The following CHST9 variants were observed in gnomAD, a reference collection of about 807,000 sequenced individuals.
CHST9 encodes the protein carbohydrate sulfotransferase 9, also known as GalNAc-4-sulfotransferase 2.
A neutral mutation model predicts 44.4 loss-of-function variants in CHST9; 41 were observed. That is an observed-to-expected ratio of 0.92 (90% CI 0.72 to 1.20). The LOEUF (loss-of-function observed/expected upper bound fraction) is 1.20. Among genes scored for constraint, CHST9 ranks in the 50% most tolerant of loss-of-function variants. CHST9 has a pLI of 0.00. For missense variants in CHST9, 504 were observed against 516.5 expected, an observed-to-expected ratio of 0.98 and a Z score of 0.23; for synonymous variants, 171 against 178.4, an observed-to-expected ratio of 0.96 and a Z score of 0.33.
intron 5 of CHST9, among the ~76,000 whole-genome samples, chr18:26,939,748 G>A (rs1305528534): frequency 1.3e-5 from 2 of 152,134 alleles, no homozygotes; most frequent in Non-Finnish European, 2.9e-5. Context: ...GAAACAGGAC[G>A]GACCCTGGAC....
In CHST9 at chr18:27,171,479, T is replaced by C. The variant is rs148116191; in HGVS notation, c.-97+13657A>G. ...TATGAAAATACGAAACATAATATAA[T>C]AAAAATGTAACCAAAATCTAAAATG... On this transcript the variant is annotated intron_variant, in intron 1 of 5. Coordinates refer to ENST00000618847, the MANE Select transcript of CHST9 (RefSeq NM_031422.6). 2.6e-3 allele frequency among the ~76,000 whole-genome samples: 402 copies of C among 152,194 alleles called. 1 individual carries two copies. The highest frequency in any genetic ancestry group is 6.8e-3 in the Middle Eastern group (2 of 294).
intron 4 of CHST9, among the ~76,000 whole-genome samples, chr18:26,965,100 T>C (rs1383556160): frequency 1.3e-5 from 2 of 152,214 alleles, no homozygotes; most frequent in African/African-American, 4.8e-5. Flanking sequence ...GAAAACTATT[T>C]ACAACTGAAT....
At chr18:27,129,087 G>T (rs1217026120) in intron 2 of CHST9, among the ~76,000 whole-genome samples, 4 of 151,346 alleles carry the variant, frequency 2.6e-5, no homozygotes, top group Admixed American at 1.3e-4. Flanking sequence ...TTGAGAAATA[G>T]TAGAGGAAAG....
chr18:27,031,846 A>G (rs2057344005), intron 3 of CHST9, among the ~76,000 whole-genome samples: 1 of 152,218 alleles, frequency 6.6e-6, no homozygotes, highest in Non-Finnish European at 1.5e-5. Context: ...CAGAGTGGCC[A>G]TCCTCTGAAC....
At chr18:27,184,592 G>A (rs1215423208) in intron 1 of CHST9, among the ~76,000 whole-genome samples, 1 of 151,986 alleles carries the variant, frequency 6.6e-6, no homozygotes, top group African/African-American at 2.4e-5. Flanking sequence ...CTCTCCCGCA[G>A]CCTGCGCCTG....
chr18:27,142,977 C>T, intron 1 of CHST9, 72 bp from the exon 2 acceptor site: 1 of 565,994 alleles, frequency 1.8e-6, no homozygotes, highest in African/African-American at 1.9e-5. Context: ...CATAAATATT[C>T]ACTATCTCAA....
chr18:26,951,902 A>T (rs1302219571), intron 4 of CHST9, among the ~76,000 whole-genome samples: 1 of 152,192 alleles, frequency 6.6e-6, no homozygotes, highest in Non-Finnish European at 1.5e-5. Flanking sequence ...CCAGAGGAAG[A>T]TCTTGGTGAA....
chr18:27,060,461 C>T lies in CHST9; in HGVS notation c.122-11958G>A, dbSNP rs150951718. 8.6e-3 allele frequency among the ~76,000 whole-genome samples: 1,314 copies of T among 152,176 alleles called. 20 individuals are homozygous for T. Among genetic ancestry groups the T allele is most frequent in the African/African-American group, 0.028 (1,173 of 41,516 alleles). On this transcript the variant is annotated intron_variant, in intron 2 of 5. Transcript: ENST00000618847. The stretch of plus-strand genomic sequence containing the variant: ...GGCACAGTGCAGCTCACCAGAAGGG[C>T]GGGAAGTAGGGTACTCCAGGGAGTG...
intron 2 of CHST9, among the ~76,000 whole-genome samples, chr18:27,113,780 T>C (rs2058296001): frequency 6.6e-6 from 1 of 152,216 alleles, no homozygotes; most frequent in Non-Finnish European, 1.5e-5. Context: ...TACGGTATTT[T>C]GTTGTAGAAG....
At chr18:27,033,860 C>T (rs1285899500) in intron 3 of CHST9, among the ~76,000 whole-genome samples, 1 of 152,190 alleles carries the variant, frequency 6.6e-6, no homozygotes, top group Non-Finnish European at 1.5e-5. Context: ...CCCTTCCAAA[C>T]ATGCTCCGGC....
chr18:27,079,811 A>G (rs1352001276), intron 2 of CHST9, among the ~76,000 whole-genome samples: 1 of 152,104 alleles, frequency 6.6e-6, no homozygotes, highest in African/African-American at 2.4e-5. Context: ...GAGGCGGCCT[A>G]TATTCTCTGG....
intron 4 of CHST9, among the ~76,000 whole-genome samples, chr18:27,014,267 C>A (rs2057119824): frequency 6.6e-6 from 1 of 151,540 alleles, no homozygotes; most frequent in Non-Finnish European, 1.5e-5. Context: ...ATGTTGATAT[C>A]AACTAGCTGA....
At chr18:27,104,147 C>T (rs768715916) in intron 2 of CHST9, among the ~76,000 whole-genome samples, 1 of 152,116 alleles carries the variant, frequency 6.6e-6, no homozygotes, top group African/African-American at 2.4e-5. Context: ...AAGAACTAGG[C>T]ACTGCACTGG....
At chr18:27,099,792 C>T (rs8096058) in intron 2 of CHST9, among the ~76,000 whole-genome samples, 123,352 of 152,094 alleles carry the variant, frequency 0.81, 50,386 homozygotes, top group East Asian at 0.92. Flanking sequence ...TAAATTAGTT[C>T]AGCCACTGTG....
chr18:27,161,816 G>C (rs1022348756), intron 1 of CHST9, among the ~76,000 whole-genome samples: 1 of 152,002 alleles, frequency 6.6e-6, no homozygotes, highest in African/African-American at 2.4e-5. Context: ...TATATATTTA[G>C]GATAGTTAGC....
Position 26,914,914 on chromosome 18 carries a change from G to A in CHST9, c.*1345C>T. Reference sequence around the variant, plus strand: ...AGACTTGTGATTTTCTTAACTCGGGGTAAAAGTCGACCAATTAAAGTAGGT... The same window carrying A: ...AGACTTGTGATTTTCTTAACTCGGGATAAAAGTCGACCAATTAAAGTAGGT... On this transcript the variant is annotated 3_prime_UTR_variant, in exon 6 of 6. Coordinates refer to ENST00000618847, the MANE Select transcript of CHST9 (RefSeq NM_031422.6). 1 of 397,818 alleles carries A rather than the reference G, an allele frequency of 2.5e-6. No individual in the cohort carries two copies. Among genetic ancestry groups the A allele is most frequent in the East Asian group, 3.6e-5 (1 of 27,978 alleles). The allele number at this position is 397,818 out of a possible 1,614,324, so 24.6% of individuals were successfully genotyped here.
intron 3 of CHST9, among the ~76,000 whole-genome samples, chr18:27,030,150 C>T (rs929575084): frequency 5.9e-5 from 9 of 152,160 alleles, no homozygotes; most frequent in Non-Finnish European, 8.8e-5. Flanking sequence ...TCTATGACTT[C>T]ACAAGGAATT....
At chr18:27,090,123 T>C (rs1041721321) in intron 2 of CHST9, among the ~76,000 whole-genome samples, 12 of 152,206 alleles carry the variant, frequency 7.9e-5, no homozygotes, top group Admixed American at 1.3e-4. Flanking sequence ...TCCTGACTTT[T>C]TAATGATTGC....
intron 4 of CHST9, among the ~76,000 whole-genome samples, chr18:27,006,611 T>C (rs1016112282): frequency 6.6e-6 from 1 of 152,210 alleles, no homozygotes; most frequent in African/African-American, 2.4e-5. Flanking sequence ...CTAAAGCCCA[T>C]TTCCCGTCTG....
Sources: allele counts gnomAD v4.1 joint callset (sites outside exome capture counted in the v4.1 genomes callset), GRCh38; gene constraint gnomAD v4.1.1; transcripts MANE v1.5; gene names NCBI Gene and HGNC (gene_info 2026-07-23, HGNC 2026-07-21).